Variants in SCHIP1 observed in about 807,000 individuals in gnomAD.
SCHIP1 encodes schwannomin interacting protein 1.
A neutral mutation model predicts 29.7 loss-of-function variants in SCHIP1; 8 were observed. The observed-to-expected ratio is 0.27, with a 90% CI of 0.16 to 0.49. SCHIP1 has a LOEUF of 0.49. Among genes scored for constraint, SCHIP1 ranks in the 20% least tolerant of loss-of-function variants. SCHIP1 has a pLI of 0.99. For missense variants in SCHIP1, 193 were observed against 294.6 expected (o/e 0.66, Z 2.52); for synonymous variants, 76 against 94.9 (o/e 0.80, Z 1.16).
chr3:159,766,299 C>G, the SCHIP1 span, among the ~76,000 whole-genome samples: 3 of 152,152 alleles, frequency 2.0e-5, no homozygotes, highest in African/African-American at 7.2e-5. Flanking sequence ...AACTGTGTTT[C>G]ACAGAGAAAT....
At chr3:159,328,808 A>G in the SCHIP1 span, among the ~76,000 whole-genome samples, 2 of 152,214 alleles carry the variant, frequency 1.3e-5, no homozygotes, top group Admixed American at 6.5e-5. Flanking sequence ...TCAGATTTCT[A>G]TGAATGGGAA....
At chr3:159,812,468 C>T in the SCHIP1 span, among the ~76,000 whole-genome samples, 1 of 152,114 alleles carries the variant, frequency 6.6e-6, no homozygotes, top group African/African-American at 2.4e-5. Context: ...CCAAATGGTG[C>T]ATTGTGTAAA....
At chr3:159,313,331 G>A in the SCHIP1 span, among the ~76,000 whole-genome samples, 1 of 152,166 alleles carries the variant, frequency 6.6e-6, no homozygotes, top group African/African-American at 2.4e-5. Context: ...ATTGGTCTGT[G>A]CCTCCCTAAA....
chr3:159,785,581 T>G, the SCHIP1 span, among the ~76,000 whole-genome samples: 3 of 73,898 alleles, frequency 4.1e-5, no homozygotes, highest in Non-Finnish European at 7.2e-5. Flanking sequence ...TTTTGTTGGT[T>G]TTTTTTTTTT....
the SCHIP1 span, among the ~76,000 whole-genome samples, chr3:159,299,003 G>C: frequency 6.6e-6 from 1 of 152,120 alleles, no homozygotes; most frequent in Non-Finnish European, 1.5e-5. Context: ...GTGCATGAGT[G>C]TCTTCAACAA....
the SCHIP1 span, among the ~76,000 whole-genome samples, chr3:159,783,153 G>C: frequency 6.6e-6 from 1 of 152,206 alleles, no homozygotes; most frequent in African/African-American, 2.4e-5. Flanking sequence ...AACCTAGCTA[G>C]GATTTTTTCC....
the SCHIP1 span, among the ~76,000 whole-genome samples, chr3:159,760,483 T>C: frequency 6.6e-6 from 1 of 152,238 alleles, no homozygotes; most frequent in Non-Finnish European, 1.5e-5. Context: ...CCTTACCAGC[T>C]TTTTGACACT....
At chr3:159,703,377 A>C in the SCHIP1 span, among the ~76,000 whole-genome samples, 2 of 152,224 alleles carry the variant, frequency 1.3e-5, 1 homozygote, top group South Asian at 4.1e-4. Context: ...GTAGAGGAAA[A>C]GTTGAAGTCA....
the SCHIP1 span, among the ~76,000 whole-genome samples, chr3:159,700,711 G>A: frequency 6.6e-6 from 1 of 151,836 alleles, no homozygotes. Context: ...TACTCAGGCG[G>A]CTAATACAGG....
chr3:159,773,649 G>T, the SCHIP1 span, among the ~76,000 whole-genome samples: 1 of 152,186 alleles, frequency 6.6e-6, no homozygotes, highest in African/African-American at 2.4e-5. Context: ...TGATAGAAAA[G>T]ATTTCATTTT....
the SCHIP1 span, among the ~76,000 whole-genome samples, chr3:159,336,478 T>G: frequency 6.6e-6 from 1 of 152,210 alleles, no homozygotes; most frequent in African/African-American, 2.4e-5. Context: ...TGGTTTTAGG[T>G]CTAACATTTA....
At chr3:159,486,234 T>C in the SCHIP1 span, among the ~76,000 whole-genome samples, 1 of 152,134 alleles carries the variant, frequency 6.6e-6, no homozygotes, top group Non-Finnish European at 1.5e-5. Flanking sequence ...GCACATTAGA[T>C]CTCCAGAACC....
At chr3:159,459,416 C>T in the SCHIP1 span, among the ~76,000 whole-genome samples, 3 of 152,116 alleles carry the variant, frequency 2.0e-5, no homozygotes, top group Non-Finnish European at 4.4e-5. Flanking sequence ...ATTCATTTGA[C>T]AAATATCACT....
At chr3:159,566,221 T>G in the SCHIP1 span, among the ~76,000 whole-genome samples, 2 of 152,218 alleles carry the variant, frequency 1.3e-5, no homozygotes, top group East Asian at 3.8e-4. Flanking sequence ...CACCTCTCTG[T>G]GTCTCAGTTT....
chr3:159,598,355 T>A, the SCHIP1 span, among the ~76,000 whole-genome samples: 1 of 152,114 alleles, frequency 6.6e-6, no homozygotes, highest in Admixed American at 6.6e-5. Context: ...ACCTGTAATA[T>A]CAAAAGCAAG....
chr3:159,497,600 G>T, the SCHIP1 span, among the ~76,000 whole-genome samples: 1 of 151,768 alleles, frequency 6.6e-6, no homozygotes, highest in Non-Finnish European at 1.5e-5. Context: ...AAGCCAGTGT[G>T]TTGTCTCCTA....
the SCHIP1 span, among the ~76,000 whole-genome samples, chr3:159,803,224 T>A: frequency 2.0e-5 from 3 of 151,824 alleles, no homozygotes; most frequent in Non-Finnish European, 4.4e-5. Context: ...GTTCTATCAA[T>A]AAGGAAAAAG....
At chr3:159,576,956 C>G in the SCHIP1 span, among the ~76,000 whole-genome samples, 1 of 152,274 alleles carries the variant, frequency 6.6e-6, no homozygotes, top group East Asian at 1.9e-4. Context: ...ATTTTATCAA[C>G]TTATCTAAGT....
the SCHIP1 span, among the ~76,000 whole-genome samples, chr3:159,808,989 T>C: frequency 2.3e-4 from 33 of 146,376 alleles, no homozygotes; most frequent in Non-Finnish European, 3.2e-4. Context: ...TTCTTTCTTT[T>C]TTTTTTTTTT....
Sources: gnomAD v4.1 joint callset for allele counts (sites outside exome capture counted in the v4.1 genomes callset) on GRCh38, gnomAD v4.1.1 for gene constraint, MANE v1.5 for transcripts, NCBI Gene and HGNC (gene_info 2026-07-23, HGNC 2026-07-21) for gene names.